NPAS3: variants seen among roughly 807,000 people sequenced by gnomAD.
The protein encoded by NPAS3 is neuronal PAS domain-containing protein 3.
NPAS3 carries 14 observed loss-of-function variants against 73.1 expected under a neutral mutation model. The observed-to-expected ratio is 0.19, with a 90% confidence interval of 0.13 to 0.30. The LOEUF is 0.30. Among genes scored for constraint, NPAS3 ranks in the 10% least tolerant of loss-of-function variants. The pLI, the probability that NPAS3 is intolerant of heterozygous loss-of-function variation, is 1.00. For synonymous variants in NPAS3, 620 were observed against 541.5 expected (o/e 1.14, Z -2.01); for missense variants, 1,096 against 1,250.0 (o/e 0.88, Z 1.86).
downstream of NPAS3, chr14:33,801,320 C>T: frequency 1.1e-6 from 1 of 949,870 alleles, no homozygotes; most frequent in Non-Finnish European, 1.5e-6. Context: ...GGTCAGACGA[C>T]CAGTTGCCTG....
intron 1 of NPAS3, among the ~76,000 whole-genome samples, chr14:33,037,353 A>G (rs2040202562): frequency 6.6e-6 from 1 of 152,054 alleles, no homozygotes; most frequent in Non-Finnish European, 1.5e-5. Flanking sequence ...TGTATATATT[A>G]AAGATTCTTG....
intron 2 of NPAS3, among the ~76,000 whole-genome samples, chr14:33,170,103 A>C (rs1474152418): frequency 6.6e-6 from 1 of 152,210 alleles, no homozygotes; most frequent in Non-Finnish European, 1.5e-5. Flanking sequence ...ATTAAAACAC[A>C]AAACTATCTC....
intron 2 of NPAS3, among the ~76,000 whole-genome samples, chr14:33,185,781 G>A (rs2045954605): frequency 6.6e-6 from 1 of 152,008 alleles, no homozygotes; most frequent in Non-Finnish European, 1.5e-5. Flanking sequence ...TGTTCTTTTT[G>A]GTTCCTTTGG....
chr14:33,184,297 G>A (rs1359403478), intron 2 of NPAS3, among the ~76,000 whole-genome samples: 1 of 152,154 alleles, frequency 6.6e-6, no homozygotes, highest in Non-Finnish European at 1.5e-5. Flanking sequence ...GGCAGAGGGA[G>A]ATGATGCTAG....
intron 2 of NPAS3, among the ~76,000 whole-genome samples, chr14:33,092,551 A>T (rs2042264192): frequency 6.6e-6 from 1 of 152,208 alleles, no homozygotes; most frequent in Non-Finnish European, 1.5e-5. Context: ...GTCCAAGGTA[A>T]TTTATAGATT....
Position 33,199,979 on chromosome 14 carries a change from G to A in NPAS3, c.141-15203G>A, listed in dbSNP as rs563126897. On this transcript the variant is annotated intron_variant, in intron 2 of 11. Transcript: ENST00000356141. ...ATAAAAACAAAGCCTTGTTTAGCAT[G>A]TACATTTAAGATATTGTTAATCACT... 3.3e-5 allele frequency among the ~76,000 whole-genome samples: 5 copies of A among 152,056 alleles called. No homozygotes were observed. In the South Asian group the frequency reaches 1.0e-3, roughly 32 times the overall value.
chr14:33,412,815 T>C (rs1318454324), intron 4 of NPAS3, among the ~76,000 whole-genome samples: 1 of 152,168 alleles, frequency 6.6e-6, no homozygotes, highest in East Asian at 1.9e-4. Flanking sequence ...TGGGAGTAAG[T>C]TGTAAACCAT....
At chr14:32,942,140 G>A (rs1221480708) in intron 1 of NPAS3, among the ~76,000 whole-genome samples, 1 of 152,150 alleles carries the variant, frequency 6.6e-6, no homozygotes, top group Non-Finnish European at 1.5e-5. Context: ...CTGTGGATAT[G>A]TTTTAAATGG....
At chr14:33,757,597 G>A (rs969833767) in intron 7 of NPAS3, among the ~76,000 whole-genome samples, 4 of 152,302 alleles carry the variant, frequency 2.6e-5, no homozygotes, top group Middle Eastern at 3.4e-3. Flanking sequence ...GTCCAGATGT[G>A]AGATTTCAAG....
Position 33,800,760 on chromosome 14 carries a change from C to T in NPAS3, c.2453C>T (p.Thr818Met), listed in dbSNP as rs374944889. 1.9e-6 allele frequency: 3 copies of T among 1,568,564 alleles called. No individual in the cohort carries two copies. Among genetic ancestry groups the T allele is most frequent in the Non-Finnish European group, 2.6e-6 (3 of 1,158,766 alleles). Residue 818 changes from threonine to methionine, a missense_variant, in exon 12 of 12, where the codon ACG becomes ATG. This residue lies in a region of NPAS3 where 698 missense variants were observed against 676.7 expected (regional missense o/e 1.03). Coordinates refer to ENST00000356141, the Ensembl canonical transcript of NPAS3. This position sits in a 1 kb window ranked among gnomAD's most constrained non-coding sequence, Gnocchi z 6.5. ...ACCGGGACCCTGGCCGCCACCAGCA[C>T]GGCCGCGCAGAGGGTCTACACCACG...
intron 7 of NPAS3, among the ~76,000 whole-genome samples, chr14:33,766,504 G>A (rs2062468238): frequency 6.6e-6 from 1 of 152,088 alleles, no homozygotes; most frequent in South Asian, 2.1e-4. Context: ...TCCTAACTTT[G>A]GCTGGGATTC....
rs371771649 is a variant in NPAS3, at chr14:33,091,923, C to T, written c.140+35929C>T. Among the ~76,000 whole-genome samples the T allele has an allele frequency of 7.9e-5, 12 of 152,210 alleles. No individual in the cohort carries two copies. The South Asian group carries it at 8.3e-4, about 11-fold the overall frequency. On this transcript the variant is annotated intron_variant, in intron 2 of 11. Transcript: ENST00000356141. ...AAGGCCTTTGACAAAATTCAGCAGC[C>T]CTTCATGCTAAAAACTCTTAATAAA... is the stretch of plus-strand genomic sequence containing the variant.
At chr14:33,236,763 A>T (rs1236065008) in intron 3 of NPAS3, among the ~76,000 whole-genome samples, 1 of 152,132 alleles carries the variant, frequency 6.6e-6, no homozygotes, top group Non-Finnish European at 1.5e-5. Flanking sequence ...TCGATTTTCC[A>T]CAGGTCTTAA....
At chr14:33,495,453 A>G (rs2052128942) in intron 4 of NPAS3, among the ~76,000 whole-genome samples, 1 of 151,952 alleles carries the variant, frequency 6.6e-6, no homozygotes, top group Non-Finnish European at 1.5e-5. Context: ...TATTCTCTTG[A>G]TTTGTGGTGG....
At chr14:33,276,469 T>C (rs1290092318) in intron 3 of NPAS3, among the ~76,000 whole-genome samples, 1 of 152,160 alleles carries the variant, frequency 6.6e-6, no homozygotes, top group Non-Finnish European at 1.5e-5. Context: ...TAATATTTAT[T>C]TTTAATAATG....
At chr14:33,279,723 G>C (rs149033827) in intron 3 of NPAS3, among the ~76,000 whole-genome samples, 1,871 of 152,140 alleles carry the variant, frequency 0.012, 17 homozygotes, top group Middle Eastern at 0.024. Flanking sequence ...GAAAACATTG[G>C]GGGGAAGGAA....
At chr14:33,639,982 C>G (rs1049611919) in intron 5 of NPAS3, among the ~76,000 whole-genome samples, 2 of 152,250 alleles carry the variant, frequency 1.3e-5, no homozygotes, top group African/African-American at 4.8e-5. Context: ...CTTTGGGAGG[C>G]CGAAGTGGGT....
chr14:33,789,583 CTTTTTT>C (rs10567527), intron 9 of NPAS3, among the ~76,000 whole-genome samples: 2,755 of 92,432 alleles, frequency 0.03, 140 homozygotes, highest in African/African-American at 0.11. Context: ...TAGAGTACAA[CTTTTTT>C]TTTTTTTTTT....
chr14:33,704,034 T>C (rs946082163), intron 6 of NPAS3, among the ~76,000 whole-genome samples: 1 of 152,214 alleles, frequency 6.6e-6, no homozygotes, highest in African/African-American at 2.4e-5. Flanking sequence ...TATCTTTATC[T>C]GTAAAATGAA....
Sources: gnomAD v4.1 joint callset for allele counts (sites outside exome capture counted in the v4.1 genomes callset) on GRCh38, gnomAD v4.1.1 for gene constraint, gnomAD v4.1.1 regional missense constraint, Gnocchi (gnomAD v3.1) non-coding constraint, MANE v1.5 for transcripts, NCBI Gene and HGNC (gene_info 2026-07-23, HGNC 2026-07-21) for gene names.